The following PLEKHA5 variants were observed in gnomAD, a reference collection of about 807,000 sequenced individuals.
PLEKHA5 encodes pleckstrin homology domain-containing family A member 5.
Under a neutral mutation model 181.9 loss-of-function variants are expected in PLEKHA5, and 55 were observed. The observed-to-expected ratio is 0.30, with a 90% confidence interval of 0.24 to 0.38. PLEKHA5 has a LOEUF of 0.38. Ranked by LOEUF, PLEKHA5 falls within the 10% of genes least tolerant of loss-of-function variation. The pLI is 1.00. For synonymous variants in PLEKHA5, 535 were observed against 529.4 expected (o/e 1.01, Z -0.15); for missense variants, 1,432 against 1,549.5 (o/e 0.92, Z 1.27).
chr12:19,331,615 C>T (rs968562866), intron 20 of PLEKHA5, among the ~76,000 whole-genome samples: 1 of 152,136 alleles, frequency 6.6e-6, no homozygotes, highest in Non-Finnish European at 1.5e-5. Context: ...CATTACATTC[C>T]TGCTTCACTT....
At chr12:19,362,193 GC>G (rs2095269978) in intron 29 of PLEKHA5, among the ~76,000 whole-genome samples, 1 of 121,706 alleles carries the variant, frequency 8.2e-6, no homozygotes, top group African/African-American at 3.0e-5. Flanking sequence ...AAAAAAAAAG[GC>G]ATAATAACAG....
Position 19,274,902 on chromosome 12 carries a change from T to C in PLEKHA5, c.1232T>C (p.Ile411Thr). 1.2e-6 allele frequency: 2 copies of C among 1,613,858 alleles called. No homozygotes were observed. The highest frequency in any genetic ancestry group is 1.1e-5 in the South Asian group (1 of 91,072). Reference protein sequence around the residue: ...GPLYTEADRVIQRTNSMQQLE... With the variant: ...GPLYTEADRVTQRTNSMQQLE... Reference sequence around the variant, plus strand: ...TTATACACAGAGGCCGATCGAGTCATACAGAGAACAAATTCAATGCAGCAG... The same window carrying C: ...TTATACACAGAGGCCGATCGAGTCACACAGAGAACAAATTCAATGCAGCAG... Residue 411 changes from isoleucine (I) to threonine (T), a missense_variant, in exon 11 of 32, where the codon ATA (isoleucine) becomes ACA (threonine). By Grantham distance (89) the Ile-to-Thr change is moderately conservative (BLOSUM62 -1). Transcript: ENST00000429027.
intron 3 of PLEKHA5, among the ~76,000 whole-genome samples, chr12:19,133,934 G>A (rs141405999): frequency 1.4e-4 from 21 of 152,126 alleles, no homozygotes; most frequent in African/African-American, 4.6e-4. Context: ...CAAGCTAGTA[G>A]TATGGTATAT....
At chr12:19,305,535 T>C (rs1453475146) in intron 15 of PLEKHA5, among the ~76,000 whole-genome samples, 1 of 132,216 alleles carries the variant, frequency 7.6e-6, no homozygotes, top group Admixed American at 8.3e-5. Flanking sequence ...CACTCCAGCC[T>C]GGGTGACAGC....
At chr12:19,221,482 G>A (rs914319081) in intron 3 of PLEKHA5, among the ~76,000 whole-genome samples, 13 of 152,146 alleles carry the variant, frequency 8.5e-5, no homozygotes, top group Non-Finnish European at 1.5e-4. Flanking sequence ...GGGGTGAGAG[G>A]AAGGGTTGAA....
chr12:19,197,616 C>G (rs534245992), intron 3 of PLEKHA5, among the ~76,000 whole-genome samples: 2 of 150,922 alleles, frequency 1.3e-5, no homozygotes, highest in South Asian at 2.1e-4. Flanking sequence ...CCCAAAGATA[C>G]ACCGAGCATA....
At chr12:19,201,891 C>A in intron 3 of PLEKHA5, 1 of 190,638 alleles carries the variant, frequency 5.2e-6, no homozygotes, top group Non-Finnish European at 9.7e-6. Context: ...GTAATAGTTG[C>A]ACAACTCTGT....
intron 21 of PLEKHA5, among the ~76,000 whole-genome samples, chr12:19,338,162 TA>T (rs2093603754): frequency 6.6e-6 from 1 of 152,202 alleles, no homozygotes. Flanking sequence ...ACTACACAAT[TA>T]AAACTGAACT....
chr12:19,214,108 G>A (rs186068859), intron 3 of PLEKHA5, among the ~76,000 whole-genome samples: 174 of 152,270 alleles, frequency 1.1e-3, no homozygotes, highest in African/African-American at 4.0e-3. Context: ...AAATGAAGTA[G>A]GTTTGGAGGT....
chr12:19,346,174 G>C (rs185704663), intron 23 of PLEKHA5, among the ~76,000 whole-genome samples: 159 of 152,008 alleles, frequency 1.0e-3, no homozygotes, highest in African/African-American at 3.6e-3. Context: ...ACTTATCATT[G>C]TTTCTTATAC....
chr12:19,279,571 G>C (rs1185250914), intron 11 of PLEKHA5, among the ~76,000 whole-genome samples: 1 of 151,666 alleles, frequency 6.6e-6, no homozygotes, highest in Non-Finnish European at 1.5e-5. Context: ...GCTGAGGCAG[G>C]AGAATCGTTT....
At chr12:19,179,600 C>T (rs1374012754) in intron 3 of PLEKHA5, among the ~76,000 whole-genome samples, 3 of 152,142 alleles carry the variant, frequency 2.0e-5, no homozygotes, top group Non-Finnish European at 4.4e-5. Flanking sequence ...GCAGAGGCTG[C>T]GGTGAGCCAA....
intron 3 of PLEKHA5, among the ~76,000 whole-genome samples, chr12:19,179,065 A>G (rs1029691939): frequency 2.6e-5 from 4 of 152,220 alleles, no homozygotes; most frequent in African/African-American, 4.8e-5. Context: ...TTCCTGAGTC[A>G]TACATGATTA....
chr12:19,317,852 C>A (rs532780604), intron 16 of PLEKHA5, among the ~76,000 whole-genome samples: 1 of 147,978 alleles, frequency 6.8e-6, no homozygotes, highest in South Asian at 2.2e-4. Context: ...GTAATTACTA[C>A]ATAGCCCATT....
chr12:19,337,719 C>T (rs903249517), intron 21 of PLEKHA5, among the ~76,000 whole-genome samples: 1 of 151,966 alleles, frequency 6.6e-6, no homozygotes, highest in Admixed American at 6.6e-5. Flanking sequence ...CAGATCAATA[C>T]AATGAATGAA....
chr12:19,155,957 T>C lies in PLEKHA5; in HGVS notation c.227+23507T>C, dbSNP rs150847127. 2.2e-4 allele frequency among the ~76,000 whole-genome samples: 33 copies of C among 152,368 alleles called. No individual in the cohort carries two copies. The East Asian group carries it at 6.4e-3, about 29-fold the overall frequency. Reference sequence around the variant, plus strand: ...CGTTGAGTAGCCCCTTTCTCTGTGATAGATTAAGCAGGCAAACCCAGAAGT... The same window carrying C: ...CGTTGAGTAGCCCCTTTCTCTGTGACAGATTAAGCAGGCAAACCCAGAAGT... On this transcript the variant is annotated intron_variant, in intron 3 of 31. Transcript: ENST00000429027.
At chr12:19,247,671 C>G (rs187781368) in intron 3 of PLEKHA5, among the ~76,000 whole-genome samples, 168 of 151,432 alleles carry the variant, frequency 1.1e-3, no homozygotes, top group Non-Finnish European at 1.9e-3. Context: ...GATTAAAACT[C>G]TGGTAATAAA....
At position 19,345,837 on chromosome 12, in the gene PLEKHA5, C is replaced by T. The variant is rs772236494; in HGVS notation, c.2663-5C>T. On this transcript the variant is annotated splice_polypyrimidine_tract_variant and splice_region_variant and intron_variant, in intron 22 of 31. Coordinates refer to ENST00000429027, the MANE Select transcript of PLEKHA5 (RefSeq NM_001256470.2). ...TAATATAGTTACGTTTTCTAATATTCCCAGGTATGATAGGATCAAAGCCTT... is the reference window on the plus strand; with the variant it reads ...TAATATAGTTACGTTTTCTAATATTTCCAGGTATGATAGGATCAAAGCCTT... 3.7e-6 allele frequency: 5 copies of T among 1,366,294 alleles called. No homozygotes were observed. In the South Asian group the frequency reaches 4.9e-5, roughly 13 times the overall value. The allele number at this position is 1,366,294 out of a possible 1,614,324, so 84.6% of individuals were successfully genotyped here. A position where few individuals can be genotyped will look rare whatever the true frequency, so the allele number is the denominator to read the frequency against.
chr12:19,179,656 G>A (rs946874080), intron 3 of PLEKHA5, among the ~76,000 whole-genome samples: 48 of 152,048 alleles, frequency 3.2e-4, no homozygotes, highest in African/African-American at 1.0e-3. Context: ...GATAAACTCC[G>A]TCTCAAAAAA....
Sources: gnomAD v4.1 joint callset for allele counts (sites outside exome capture counted in the v4.1 genomes callset) on GRCh38, gnomAD v4.1.1 for gene constraint, MANE v1.5 for transcripts, NCBI Gene and HGNC (gene_info 2026-07-23, HGNC 2026-07-21) for gene names.